The following DBX1 variants were observed in gnomAD, a reference collection of about 807,000 sequenced individuals.
The protein encoded by DBX1 is developing brain homeobox 1.
DBX1 carries 10 observed loss-of-function variants against 20.8 expected under a neutral mutation model. That is an observed-to-expected ratio of 0.48 (90% confidence interval 0.30 to 0.82). The LOEUF is 0.82. Ranked by LOEUF, DBX1 falls within the 40% of genes least tolerant of loss-of-function variation. The pLI is 0.07. For synonymous variants in DBX1, 241 were observed against 213.9 expected, an observed-to-expected ratio of 1.13 and a Z score of -1.11; for missense variants, 505 against 468.8, an observed-to-expected ratio of 1.08 and a Z score of -0.71.
Position 20,156,463 on chromosome 11 carries a change from C to A in DBX1, c.783G>T (p.Pro261=). The change falls in exon 4 of 4, where the codon CCG becomes CCT. Residue 261 remains proline, a synonymous_variant. Coordinates refer to ENST00000524983, the MANE Select transcript of DBX1 (RefSeq NM_001029865.4). The surrounding 1 kb of genome is among the most constrained non-coding windows in gnomAD (Gnocchi z 4.8). ...GGCCCACGTCGCTGAGGTCCGGGTG[C>A]GGATTGAGCTTGGTGGGCAGGGTCT... The part of the protein sequence containing the change: ...REQTLPTKLN[P]HPDLSDVGQK... 1 of 1,612,796 alleles carries A rather than the reference C, an allele frequency of 6.2e-7. No homozygotes were observed. The highest frequency in any genetic ancestry group is 8.5e-7 in the Non-Finnish European group (1 of 1,179,500).
Position 20,160,124 on chromosome 11 carries a change from C to A in DBX1, c.201G>T (p.Arg67Ser). 1 of 1,548,964 alleles carries A rather than the reference C, an allele frequency of 6.5e-7. No homozygotes were observed. The highest frequency in any genetic ancestry group is 8.7e-7 in the Non-Finnish European group (1 of 1,145,706). ...CGGTGAGGGCCGTGGGGGCCCCCTG[C>A]CTGGGCGGCGACATGCTGGCGGTGG... ...SVPTASMSPPRQGAPTALTDT... is the reference protein window; with the variant it reads ...SVPTASMSPPSQGAPTALTDT... The change falls in exon 1 of 4, where the codon AGG (arginine) becomes AGT (serine). Residue 67 changes from arginine to serine, a missense_variant. Coordinates refer to ENST00000524983, the MANE Select transcript of DBX1 (RefSeq NM_001029865.4).
In DBX1 at chr11:20,157,235, G is replaced by A. The variant is rs758984330; in HGVS notation, c.474C>T (p.Ser158=). The change falls in exon 3 of 4, where the codon TCC becomes TCT. Residue 158 remains serine, a synonymous_variant. Transcript: ENST00000524983. ...PFIRSSYFPA[S]SSVVPIPGTF... ...TCCCGGGGATGGGCACCACGCTGGA[G>A]GAAGCTGCAGGGTGGGGGGAGGTGG... The A allele has an allele frequency of 1.7e-5, 27 of 1,564,550 alleles. 1 individual carries two copies. In the African/African-American group the frequency reaches 3.1e-4, roughly 18 times the overall value.
intron 2 of DBX1, 64 bp downstream of exon 2, chr11:20,159,127 G>A: frequency 8.6e-7 from 1 of 1,156,640 alleles, no homozygotes; most frequent in South Asian, 1.2e-5. Context: ...CTTCGGAGCA[G>A]GGAGCGATGG....
At chr11:20,158,220 G>C (rs1387255884) in intron 2 of DBX1, among the ~76,000 whole-genome samples, 1 of 132,906 alleles carries the variant, frequency 7.5e-6, no homozygotes, top group Non-Finnish European at 1.6e-5. Context: ...TGGTGGTGGT[G>C]GTGGTGGTGG....
At chr11:20,157,260 G>A (rs1352507799) in intron 2 of DBX1, 21 bp from the exon 3 acceptor site, 1 of 1,541,410 alleles carries the variant, frequency 6.5e-7, no homozygotes. Context: ...GGGGGAGGTG[G>A]CGAGTGAGTG....
At position 20,156,193 on chromosome 11, in the gene DBX1, A is replaced by G. The variant is rs756826931; in HGVS notation, c.*21T>C. The G allele has an allele frequency of 6.6e-7, 1 of 1,515,750 alleles. No individual in the cohort carries two copies. The highest frequency in any genetic ancestry group is 8.8e-7 in the Non-Finnish European group (1 of 1,133,236). 93.9% of individuals were successfully genotyped at this position (1,515,750 alleles called of 1,614,324 possible). ...CGATTTCAAAGCACTTAAAAATAGTACTCTGGCGTGCGAGCGGCTTCTAGG... is the reference window on the plus strand; with the variant it reads ...CGATTTCAAAGCACTTAAAAATAGTGCTCTGGCGTGCGAGCGGCTTCTAGG... On this transcript the variant is annotated 3_prime_UTR_variant, in exon 4 of 4. Coordinates refer to ENST00000524983, the MANE Select transcript of DBX1 (RefSeq NM_001029865.4). The surrounding 1 kb of genome is among the most constrained non-coding windows in gnomAD (Gnocchi z 4.8).
rs2063684821 is a variant in DBX1, at chr11:20,160,455, T to C, written c.-131A>G. The C allele has an allele frequency of 2.4e-6, 3 of 1,239,108 alleles. No individual in the cohort carries two copies. Among genetic ancestry groups the C allele is most frequent in the African/African-American group, 3.3e-5 (2 of 60,308 alleles). 76.8% of individuals were successfully genotyped at this position (1,239,108 alleles called of 1,614,324 possible). A position where few individuals can be genotyped will look rare whatever the true frequency, so the allele number is the denominator to read the frequency against. ...AAACGTCTCCAAGTAACAATCCCAC[T>C]TGGGCGTCTGCGAGTCCTCCGTGGT... is the stretch of plus-strand genomic sequence containing the variant. On this transcript the variant is annotated 5_prime_UTR_variant, in exon 1 of 4. Transcript: ENST00000524983.
chr11:20,156,384 G>T lies in DBX1; in HGVS notation c.862C>A (p.Arg288Ser). 1.2e-6 allele frequency: 2 copies of T among 1,606,592 alleles called. No homozygotes were observed. Among genetic ancestry groups the T allele is most frequent in the Non-Finnish European group, 1.7e-6 (2 of 1,175,698 alleles). Residue 288 changes from arginine to serine, a missense_variant, in exon 4 of 4, where the codon CGC (arginine) becomes AGC (serine). Coordinates refer to ENST00000524983, the MANE Select transcript of DBX1 (RefSeq NM_001029865.4). The surrounding 1 kb of genome is among the most constrained non-coding windows in gnomAD (Gnocchi z 4.8). ...EEEGPGSPSH[R>S]LAYHASSDPQ... ...TCGGAGGACGCGTGGTAGGCCAGGC[G>T]GTGGCTGGGGCTGCCCGGGCCCTCC...
In DBX1 at chr11:20,156,298, C is replaced by G. The variant is rs749305690; in HGVS notation, c.948G>C (p.Ser316=). Residue 316 remains serine (S), a synonymous_variant, in exon 4 of 4, where the codon TCG becomes TCC. Transcript: ENST00000524983. The surrounding 1 kb of genome is among the most constrained non-coding windows in gnomAD (Gnocchi z 4.8). The stretch of plus-strand genomic sequence containing the variant: ...AGTCCGAAGGTTTCCCGGGACTGCT[C>G]GAGTGCGCGGGCGAGGGGGGCAGCG... ...PGPLPPSPAH[S]SSPGKPSDFS... 1.5e-5 allele frequency: 24 copies of G among 1,549,286 alleles called. No individual in the cohort carries two copies. The Admixed American group carries it at 2.2e-4, about 14-fold the overall frequency.
chr11:20,157,013 G>T (rs746180083), intron 3 of DBX1, 24 bp downstream of exon 3: 42 of 1,594,668 alleles, frequency 2.6e-5, no homozygotes, highest in Admixed American at 6.7e-5. Flanking sequence ...GGCGGGGGGG[G>T]TGCTGTGGAG....
Position 20,156,573 on chromosome 11 carries a change from C to A in DBX1, c.673G>T (p.Val225Leu). The change falls in exon 4 of 4, where the codon GTG becomes TTG. Residue 225 changes from valine to leucine, a missense_variant and splice_region_variant. Transcript: ENST00000524983. This position sits in a 1 kb window ranked among gnomAD's most constrained non-coding sequence, Gnocchi z 4.8. Reference sequence around the variant, plus strand: ...CGTCGGTTCTGGAACCAGATTTTCACCTGGAATGTCCCGGCCGGCGAGAAG... The same window carrying A: ...CGTCGGTTCTGGAACCAGATTTTCAACTGGAATGTCCCGGCCGGCGAGAAG... ...AAKLGLKDSQ[V>L]KIWFQNRRMK... 3 of 1,614,030 alleles carry A rather than the reference C, an allele frequency of 1.9e-6. No individual in the cohort carries two copies. In the South Asian group the frequency reaches 3.3e-5, roughly 18 times the overall value.
In DBX1 at chr11:20,160,467, G is replaced by A. The variant is rs1042875962; in HGVS notation, c.-143C>T. 6.2e-6 allele frequency: 7 copies of A among 1,136,978 alleles called. No individual in the cohort carries two copies. The highest frequency in any genetic ancestry group is 3.4e-5 in the Admixed American group (1 of 29,836). 70.4% of individuals were successfully genotyped at this position (1,136,978 alleles called of 1,614,324 possible). On this transcript the variant is annotated 5_prime_UTR_variant, in exon 1 of 4. Coordinates refer to ENST00000524983, the MANE Select transcript of DBX1 (RefSeq NM_001029865.4). ...GTAACAATCCCACTTGGGCGTCTGC[G>A]AGTCCTCCGTGGTCCTCTCGTCGAG...
rs187014041 is a variant in DBX1, at chr11:20,156,421, G to C, written c.825C>G (p.Asn275Lys). ...LSDVGQKGPG[N>K]EEEEEGPGSP... Reference sequence around the variant, plus strand: ...TGCCCGGGCCCTCCTCCTCCTCTTCGTTCCCAGGGCCCTTCTGGCCCACGT... The same window carrying C: ...TGCCCGGGCCCTCCTCCTCCTCTTCCTTCCCAGGGCCCTTCTGGCCCACGT... Residue 275 changes from asparagine to lysine, a missense_variant, in exon 4 of 4, where the codon AAC becomes AAG. Physicochemically the swap from Asn to Lys is moderately conservative, Grantham distance 94. Coordinates refer to ENST00000524983, the MANE Select transcript of DBX1 (RefSeq NM_001029865.4). The surrounding 1 kb of genome is among the most constrained non-coding windows in gnomAD (Gnocchi z 4.8). 2.2e-3 allele frequency: 3,483 copies of C among 1,605,010 alleles called. 129 individuals carry two copies. The Admixed American group carries it at 0.055, about 26-fold the overall frequency.
intron 2 of DBX1, among the ~76,000 whole-genome samples, chr11:20,158,364 T>G (rs915468354): frequency 6.6e-6 from 1 of 152,148 alleles, no homozygotes; most frequent in Non-Finnish European, 1.5e-5. Context: ...TACCCAGTTT[T>G]TCTTCTCTGT....
rs2063675875 is a variant in DBX1, at chr11:20,159,251, A to C, written c.409T>G (p.Phe137Val). The change falls in exon 2 of 4, where the codon TTC becomes GTC. Residue 137 changes from phenylalanine to valine, a missense_variant. Transcript: ENST00000524983. ...ALLQSVPPKTFAFPYFEGSFQ... is the reference protein window; with the variant it reads ...ALLQSVPPKTVAFPYFEGSFQ... ...GACCCTTCGAAGTAGGGAAAGGCGAAGGTCTTGGGAGGGACGCTCTGGAGC... is the reference window on the plus strand; with the variant it reads ...GACCCTTCGAAGTAGGGAAAGGCGACGGTCTTGGGAGGGACGCTCTGGAGC... 6.2e-7 allele frequency: 1 copy of C among 1,613,564 alleles called. No individual in the cohort carries two copies. The highest frequency in any genetic ancestry group is 8.5e-7 in the Non-Finnish European group (1 of 1,179,894).
chr11:20,160,229 T>A lies in DBX1; in HGVS notation c.96A>T (p.Ala32=). Residue 32 remains alanine (A), a synonymous_variant, in exon 1 of 4, where the codon GCA becomes GCT. Coordinates refer to ENST00000524983, the MANE Select transcript of DBX1 (RefSeq NM_001029865.4). ...CCAGGAAGCTGGAGTGGCCGGAAAATGCCGACTGCAAGGACTGGGGCAGCG... is the reference window on the plus strand; with the variant it reads ...CCAGGAAGCTGGAGTGGCCGGAAAAAGCCGACTGCAAGGACTGGGGCAGCG... The part of the protein sequence containing the change: ...TLTLPQSLQS[A]FSGHSSFLVE... 6.5e-7 allele frequency: 1 copy of A among 1,546,034 alleles called. No homozygotes were observed. The highest frequency in any genetic ancestry group is 8.7e-7 in the Non-Finnish European group (1 of 1,146,494).
chr11:20,156,676 C>G lies in DBX1; in HGVS notation c.673-103G>C. On this transcript the variant is annotated intron_variant, in intron 3 of 3. Transcript: ENST00000524983. This position sits in a 1 kb window ranked among gnomAD's most constrained non-coding sequence, Gnocchi z 4.8. ...GAGTGGAGTCGGGTGCAGGCTCTGTCCTTCGGGCTGTGTCCTCTCCCCACC... is the reference window on the plus strand; with the variant it reads ...GAGTGGAGTCGGGTGCAGGCTCTGTGCTTCGGGCTGTGTCCTCTCCCCACC... 7 of 1,537,232 alleles carry G rather than the reference C, an allele frequency of 4.6e-6. No homozygotes were observed. Among genetic ancestry groups the G allele is most frequent in the Non-Finnish European group, 5.4e-6 (6 of 1,113,510 alleles).
In DBX1 at chr11:20,156,392, G is replaced by A. The variant is rs768599935; in HGVS notation, c.854C>T (p.Pro285Leu). 2.5e-6 allele frequency: 4 copies of A among 1,602,840 alleles called. No homozygotes were observed. The South Asian group carries it at 3.3e-5, about 13-fold the overall frequency. The change falls in exon 4 of 4, where the codon CCC becomes CTC. Residue 285 changes from proline to leucine, a missense_variant. By Grantham distance (98) the Pro-to-Leu change is moderately conservative (BLOSUM62 -3). Coordinates refer to ENST00000524983, the MANE Select transcript of DBX1 (RefSeq NM_001029865.4). This position sits in a 1 kb window ranked among gnomAD's most constrained non-coding sequence, Gnocchi z 4.8. ...NEEEEEGPGSPSHRLAYHASS... is the reference protein window; with the variant it reads ...NEEEEEGPGSLSHRLAYHASS... ...CGCGTGGTAGGCCAGGCGGTGGCTG[G>A]GGCTGCCCGGGCCCTCCTCCTCCTC...
intron 2 of DBX1, among the ~76,000 whole-genome samples, chr11:20,158,327 G>T (rs2063670957): frequency 6.6e-6 from 1 of 152,048 alleles, no homozygotes; most frequent in Non-Finnish European, 1.5e-5. Context: ...GAGTGCTGTC[G>T]TGATTTTACC....
Sources: allele counts gnomAD v4.1 joint callset (sites outside exome capture counted in the v4.1 genomes callset), GRCh38; gene constraint gnomAD v4.1.1; non-coding constraint Gnocchi (gnomAD v3.1); transcripts MANE v1.5; gene names NCBI Gene and HGNC (gene_info 2026-07-23, HGNC 2026-07-21).